Variants in ADAM2 observed in about 807,000 individuals in gnomAD.
ADAM2 encodes the protein ADAM metallopeptidase domain 2.
Under a neutral mutation model 99.3 loss-of-function variants are expected in ADAM2, and 101 were observed. The observed-to-expected ratio is 1.02, with a 90% confidence interval of 0.87 to 1.20. The LOEUF is 1.20. ADAM2 is among the 50% of genes most tolerant of loss of function. The pLI, the probability that ADAM2 is intolerant of heterozygous loss-of-function variation, is 0.00. For synonymous variants in ADAM2, 323 were observed against 287.6 expected, an observed-to-expected ratio of 1.12 and a Z score of -1.25; for missense variants, 948 against 878.7, an observed-to-expected ratio of 1.08 and a Z score of -1.00.
intron 3 of ADAM2, among the ~76,000 whole-genome samples, chr8:39,831,802 A>G (rs1321425078): frequency 1.3e-5 from 2 of 152,154 alleles, no homozygotes; most frequent in Non-Finnish European, 2.9e-5. Flanking sequence ...TATGTGATAG[A>G]TAAGTGAGTC....
In ADAM2 at chr8:39,821,008, G is replaced by A. The variant is rs150515664; in HGVS notation, c.507C>T (p.Ser169=). 2.1e-5 allele frequency: 34 copies of A among 1,584,428 alleles called. No homozygotes were observed. The highest frequency in any genetic ancestry group is 6.8e-5 in the African/African-American group (5 of 73,676). ...TGTTCAATTAATCACCTACCTCTAC[G>A]CTTTGTAATTTAAAGGACAGATCTC... ...ESRDLSFKLQ[S]VEPQQDFAKY... Residue 169 remains serine, a synonymous_variant, in exon 6 of 21, where the codon AGC becomes AGT. Coordinates refer to ENST00000265708, the MANE Select transcript of ADAM2 (RefSeq NM_001464.5).
intron 20 of ADAM2, 45 bp downstream of exon 20, chr8:39,744,785 A>T: frequency 7.8e-7 from 1 of 1,285,000 alleles, no homozygotes; most frequent in Non-Finnish European, 1.1e-6. Flanking sequence ...CCTGTGTCCC[A>T]GTACTTAAAG....
chr8:39,810,807 C>T (rs1488011885), intron 6 of ADAM2, among the ~76,000 whole-genome samples: 13 of 152,264 alleles, frequency 8.5e-5, no homozygotes, highest in Non-Finnish European at 1.6e-4. Context: ...AAATTTATAG[C>T]ACTAAATGCC....
At chr8:39,764,104 G>A (rs1802472132) in intron 14 of ADAM2, among the ~76,000 whole-genome samples, 1 of 152,164 alleles carries the variant, frequency 6.6e-6, no homozygotes, top group East Asian at 1.9e-4. Context: ...TAGGAGCATG[G>A]AACAAATTAA....
At chr8:39,786,927 G>A (rs769337713) in intron 10 of ADAM2, 47 bp downstream of exon 10, 2 of 1,334,352 alleles carry the variant, frequency 1.5e-6, no homozygotes, top group East Asian at 2.5e-5. Flanking sequence ...ATGTGTAACT[G>A]TATACTAATT....
chr8:39,759,985 G>T (rs1458066197), intron 15 of ADAM2, among the ~76,000 whole-genome samples: 1 of 152,126 alleles, frequency 6.6e-6, no homozygotes, highest in Non-Finnish European at 1.5e-5. Flanking sequence ...TCCTGCCTCA[G>T]CCTCTCGAGT....
At chr8:39,745,328 T>C (rs1163010089) in intron 19 of ADAM2, among the ~76,000 whole-genome samples, 1 of 152,144 alleles carries the variant, frequency 6.6e-6, no homozygotes, top group Non-Finnish European at 1.5e-5. Flanking sequence ...AATGACTAAG[T>C]TATTACTCGT....
At chr8:39,764,305 G>A (rs1802480133) in intron 14 of ADAM2, among the ~76,000 whole-genome samples, 4 of 152,156 alleles carry the variant, frequency 2.6e-5, no homozygotes. Flanking sequence ...TGCTACTTGG[G>A]AGGCTGAGGC....
intron 16 of ADAM2, among the ~76,000 whole-genome samples, chr8:39,752,054 T>C (rs575944038): frequency 6.6e-6 from 1 of 152,092 alleles, no homozygotes; most frequent in Non-Finnish European, 1.5e-5. Context: ...GCTCATACTC[T>C]TTTTTTAAAG....
chr8:39,787,076 A>G lies in ADAM2; in HGVS notation c.810-21T>C, dbSNP rs367755676. ...TGTAACTTAAGTTTAAAAAGGGATC[A>G]TAATCATATAATTTTGTAAAAATTA... is the stretch of plus-strand genomic sequence containing the variant. On this transcript the variant is annotated intron_variant, in intron 9 of 20. Coordinates refer to ENST00000265708, the MANE Select transcript of ADAM2 (RefSeq NM_001464.5). 5 of 1,438,490 alleles carry G rather than the reference A, an allele frequency of 3.5e-6. No homozygotes were observed. In the African/African-American group the frequency reaches 7.2e-5, roughly 21 times the overall value. 89.1% of individuals were successfully genotyped at this position (1,438,490 alleles called of 1,614,324 possible).
chr8:39,762,683 C>T (rs987129147), intron 14 of ADAM2, among the ~76,000 whole-genome samples: 2 of 152,008 alleles, frequency 1.3e-5, no homozygotes, highest in Non-Finnish European at 2.9e-5. Context: ...AGCAGGCTTC[C>T]CTGAAAAAGA....
In ADAM2 at chr8:39,814,082, G is replaced by C. The variant is rs552939281; in HGVS notation, c.514-4616C>G. ...CCAATTTTAAAAATCCACAGGCCAG[G>C]CGTGGTGGCTCACACCTGTAATCCC... On this transcript the variant is annotated intron_variant, in intron 6 of 20. Transcript: ENST00000265708. 5.9e-5 allele frequency among the ~76,000 whole-genome samples: 9 copies of C among 152,152 alleles called. No individual in the cohort carries two copies. The East Asian group carries it at 9.7e-4, about 16-fold the overall frequency.
chr8:39,800,842 C>T (rs1037170488), intron 7 of ADAM2, among the ~76,000 whole-genome samples: 1 of 152,056 alleles, frequency 6.6e-6, no homozygotes, highest in Non-Finnish European at 1.5e-5. Context: ...GTATGCTTCA[C>T]GAAGTTCTCG....
At chr8:39,821,950 T>C (rs756981188) in intron 4 of ADAM2, among the ~76,000 whole-genome samples, 7 of 152,188 alleles carry the variant, frequency 4.6e-5, no homozygotes, top group Non-Finnish European at 7.4e-5. Context: ...TTTTTCATAC[T>C]TTTCTGACAA....
chr8:39,769,360 T>C, intron 12 of ADAM2, 32 bp downstream of exon 12: 2 of 1,528,156 alleles, frequency 1.3e-6, no homozygotes, highest in Non-Finnish European at 1.8e-6. Context: ...TTGCTGCAAT[T>C]TCAGTGCGTA....
chr8:39,802,692 C>T (rs903404563), intron 7 of ADAM2, among the ~76,000 whole-genome samples: 1 of 152,030 alleles, frequency 6.6e-6, no homozygotes, highest in Non-Finnish European at 1.5e-5. Context: ...GCCCAATGTG[C>T]GAGACACTCA....
intron 6 of ADAM2, among the ~76,000 whole-genome samples, chr8:39,813,450 G>A (rs1386809383): frequency 2.0e-5 from 3 of 152,270 alleles, no homozygotes; most frequent in East Asian, 3.9e-4. Flanking sequence ...AAATCATGCT[G>A]CTATAAGGAC....
intron 7 of ADAM2, among the ~76,000 whole-genome samples, chr8:39,797,097 G>T (rs918563962): frequency 2.0e-5 from 3 of 152,036 alleles, no homozygotes; most frequent in Admixed American, 2.0e-4. Context: ...AATTGCTTTT[G>T]GTATTTTTGT....
chr8:39,818,039 T>C (rs1805025084), intron 6 of ADAM2: 1 of 151,942 alleles, frequency 6.6e-6, no homozygotes, highest in African/African-American at 2.4e-5. Flanking sequence ...CACAAAGTCT[T>C]CCAGAATAGA....
Sources: gnomAD v4.1 joint callset for allele counts (sites outside exome capture counted in the v4.1 genomes callset) on GRCh38, gnomAD v4.1.1 for gene constraint, MANE v1.5 for transcripts, NCBI Gene and HGNC (gene_info 2026-07-23, HGNC 2026-07-21) for gene names.